The following TESK2 variants were observed in gnomAD, a reference collection of about 807,000 sequenced individuals.
TESK2 encodes the protein dual specificity testis-specific protein kinase 2.
In TESK2, 39 loss-of-function variants were observed where a neutral mutation model predicts 57.1. That is an observed-to-expected ratio of 0.68 (90% CI 0.53 to 0.89). TESK2 has a LOEUF of 0.89. Among genes scored for constraint, TESK2 ranks in the 40% least tolerant of loss-of-function variants. TESK2 has a pLI of 0.00. For missense variants in TESK2, 646 were observed against 732.1 expected (o/e 0.88, Z 1.36); for synonymous variants, 249 against 267.9 (o/e 0.93, Z 0.69).
At chr1:45,429,467 G>A (rs1218992851) in intron 2 of TESK2, among the ~76,000 whole-genome samples, 1 of 151,928 alleles carries the variant, frequency 6.6e-6, no homozygotes, top group African/African-American at 2.4e-5. Flanking sequence ...GTAAGGATAT[G>A]GAACATTTCA....
At chr1:45,439,710 C>T (rs564344819) in intron 2 of TESK2, among the ~76,000 whole-genome samples, 3 of 152,220 alleles carry the variant, frequency 2.0e-5, no homozygotes, top group African/African-American at 7.2e-5. Flanking sequence ...GTCCCAGCTA[C>T]GCAGGAAGCT....
chr1:45,388,785 A>G (rs904455194), intron 3 of TESK2, among the ~76,000 whole-genome samples: 3 of 146,354 alleles, frequency 2.0e-5, no homozygotes, highest in Middle Eastern at 3.5e-3. Context: ...CAGTGGCGCA[A>G]TCTCGGCTCA....
intron 2 of TESK2, among the ~76,000 whole-genome samples, chr1:45,429,748 T>G (rs1650873147): frequency 6.6e-6 from 1 of 152,198 alleles, no homozygotes; most frequent in Non-Finnish European, 1.5e-5. Flanking sequence ...TCACCCAAAC[T>G]GACCAGCTTC....
intron 1 of TESK2, among the ~76,000 whole-genome samples, chr1:45,468,543 AC>A (rs1334451595): frequency 6.6e-6 from 1 of 152,244 alleles, no homozygotes; most frequent in Admixed American, 6.5e-5. Context: ...GGGAATGATT[AC>A]TTTTAAAATA....
chr1:45,440,377 T>C (rs897348660), intron 2 of TESK2, among the ~76,000 whole-genome samples: 20 of 152,092 alleles, frequency 1.3e-4, no homozygotes, highest in African/African-American at 4.8e-4. Context: ...ACAAGGCATC[T>C]CATTTCACAT....
intron 1 of TESK2, among the ~76,000 whole-genome samples, chr1:45,488,248 T>C (rs1021052592): frequency 6.6e-6 from 1 of 152,104 alleles, no homozygotes; most frequent in Non-Finnish European, 1.5e-5. Flanking sequence ...ATCTTTATTC[T>C]CTTTCATTTT....
chr1:45,377,254 G>A (rs1648466967), intron 4 of TESK2, among the ~76,000 whole-genome samples: 1 of 151,876 alleles, frequency 6.6e-6, no homozygotes, highest in Non-Finnish European at 1.5e-5. Flanking sequence ...TGTAGGAATT[G>A]AGGCATGAAA....
chr1:45,487,371 C>T (rs1653529934), intron 1 of TESK2, among the ~76,000 whole-genome samples: 1 of 152,184 alleles, frequency 6.6e-6, no homozygotes, highest in Non-Finnish European at 1.5e-5. Context: ...CCTTGGTGAG[C>T]AGGCCCACCT....
At chr1:45,405,432 CTAATT>C (rs1031386333) in intron 3 of TESK2, among the ~76,000 whole-genome samples, 9 of 151,686 alleles carry the variant, frequency 5.9e-5, no homozygotes, top group African/African-American at 1.9e-4. Context: ...AACAAAAAAC[CTAATT>C]AAGAGGCATC....
At chr1:45,458,455 C>T (rs1022347728) in intron 1 of TESK2, among the ~76,000 whole-genome samples, 6 of 152,008 alleles carry the variant, frequency 3.9e-5, no homozygotes, top group Admixed American at 2.0e-4. Flanking sequence ...ATCTCAGCTA[C>T]TCAGGAGGCT....
Position 45,355,462 on chromosome 1 carries a change from A to T in TESK2, c.394-13T>A. On this transcript the variant is annotated splice_polypyrimidine_tract_variant and intron_variant, in intron 4 of 10. Transcript: ENST00000372086. The stretch of plus-strand genomic sequence containing the variant: ...CGGAGTTGATATACTGCAAAACAGA[A>T]GGAAAACCCAGCTACCATTTATCAG... 6.3e-7 allele frequency: 1 copy of T among 1,594,624 alleles called. No individual in the cohort carries two copies. Among genetic ancestry groups the T allele is most frequent in the Non-Finnish European group, 8.5e-7 (1 of 1,172,492 alleles).
intron 1 of TESK2, among the ~76,000 whole-genome samples, chr1:45,486,738 T>A (rs1203259923): frequency 2.8e-5 from 4 of 140,988 alleles, no homozygotes; most frequent in Admixed American, 7.3e-5. Context: ...CATAAAAAAA[T>A]GTTACTGAGG....
At chr1:45,375,776 G>T (rs1240392548) in intron 4 of TESK2, among the ~76,000 whole-genome samples, 1 of 152,200 alleles carries the variant, frequency 6.6e-6, no homozygotes, top group Admixed American at 6.5e-5. Context: ...AAATTAAAAC[G>T]TGGGACAGGG....
chr1:45,356,311 GT>G (rs1647420300), intron 4 of TESK2, among the ~76,000 whole-genome samples: 1 of 152,164 alleles, frequency 6.6e-6, no homozygotes, highest in African/African-American at 2.4e-5. Context: ...AGAGGAGTAG[GT>G]TTTTAGAAGA....
At chr1:45,404,089 A>G (rs1419529300) in intron 3 of TESK2, among the ~76,000 whole-genome samples, 1 of 152,174 alleles carries the variant, frequency 6.6e-6, no homozygotes, top group Non-Finnish European at 1.5e-5. Flanking sequence ...TTATTCTAAA[A>G]TTACTTATAA....
At position 45,421,807 on chromosome 1, in the gene TESK2, T is replaced by A. The variant is rs1427881917; in HGVS notation, c.262A>T (p.Met88Leu). Reference sequence around the variant, plus strand: ...GCCCGGTTACTGCTCAATGTGTTCATCTTAAGAGCCATCACCTGACCAGAA... The same window carrying A: ...GCCCGGTTACTGCTCAATGTGTTCAACTTAAGAGCCATCACCTGACCAGAA... The part of the protein sequence containing the change: ...RASGQVMALK[M>L]NTLSSNRANM... Residue 88 changes from methionine to leucine, a missense_variant, in exon 3 of 11, where the codon ATG becomes TTG. Transcript: ENST00000372086. 1.2e-6 allele frequency: 2 copies of A among 1,614,132 alleles called. No homozygotes were observed. The highest frequency in any genetic ancestry group is 2.7e-5 in the African/African-American group (2 of 75,040).
At chr1:45,391,133 G>T (rs1214867256) in intron 3 of TESK2, among the ~76,000 whole-genome samples, 1 of 150,848 alleles carries the variant, frequency 6.6e-6, no homozygotes, top group Non-Finnish European at 1.5e-5. Context: ...AGCCAGGATG[G>T]TCTTGATCTC....
chr1:45,364,017 C>CTAT (rs1386299191), intron 4 of TESK2, among the ~76,000 whole-genome samples: 2 of 151,940 alleles, frequency 1.3e-5, no homozygotes, highest in Middle Eastern at 3.2e-3. Flanking sequence ...ATGACTATTT[C>CTAT]TATTATTATT....
chr1:45,385,882 A>C (rs765219734), intron 4 of TESK2, 30 bp downstream of exon 4: 33 of 1,549,894 alleles, frequency 2.1e-5, no homozygotes, highest in Middle Eastern at 1.7e-4. Flanking sequence ...TAAGGCAAAT[A>C]CGTTACTTCA....
Sources: gnomAD v4.1 joint callset for allele counts (sites outside exome capture counted in the v4.1 genomes callset) on GRCh38, gnomAD v4.1.1 for gene constraint, MANE v1.5 for transcripts, NCBI Gene and HGNC (gene_info 2026-07-23, HGNC 2026-07-21) for gene names.